TRIOBP: variants seen among roughly 807,000 people sequenced by gnomAD.
TRIOBP encodes the protein TRIO and F-actin-binding protein.
A neutral mutation model predicts 238.8 loss-of-function variants in TRIOBP; 169 were observed. The ratio of observed to expected loss-of-function variants is 0.71; its 90% confidence interval spans 0.62 to 0.80. TRIOBP has a LOEUF of 0.80. Ranked by LOEUF, TRIOBP falls within the 30% of genes least tolerant of loss-of-function variation. The pLI, the probability that TRIOBP is intolerant of heterozygous loss-of-function variation, is 0.00. For missense variants in TRIOBP, 2,838 were observed against 3,122.6 expected, an observed-to-expected ratio of 0.91 and a Z score of 2.17; for synonymous variants, 1,150 against 1,274.4, an observed-to-expected ratio of 0.90 and a Z score of 2.08.
intron 6 of TRIOBP, among the ~76,000 whole-genome samples, chr22:37,718,283 C>T (rs1923641852): frequency 6.6e-6 from 1 of 152,244 alleles, no homozygotes; most frequent in African/African-American, 2.4e-5. Flanking sequence ...CAGGAAGGGG[C>T]TCCCACAGTG....
chr22:37,719,999 CCTTT>C (rs1923746434), intron 6 of TRIOBP, among the ~76,000 whole-genome samples: 2 of 33,690 alleles, frequency 5.9e-5, no homozygotes, highest in African/African-American at 1.1e-4. Flanking sequence ...CCCCCCCCGC[CCTTT>C]TTTTTTTTTT....
chr22:37,759,557 G>GT, intron 17 of TRIOBP: 2 of 1,598,566 alleles, frequency 1.3e-6, no homozygotes, highest in Non-Finnish European at 8.5e-7. Context: ...CAGAGCCTGT[G>GT]TGTGAGTCCC....
chr22:37,749,439 G>T (rs1051380500), intron 11 of TRIOBP, among the ~76,000 whole-genome samples: 1 of 152,100 alleles, frequency 6.6e-6, no homozygotes, highest in African/African-American at 2.4e-5. Flanking sequence ...CCGCCAGCCC[G>T]AGGGTGTGTA....
intron 11 of TRIOBP, chr22:37,746,565 C>G (rs1229575367): frequency 4.2e-6 from 3 of 715,048 alleles, no homozygotes; most frequent in African/African-American, 1.9e-5. Context: ...GGGGCCACCT[C>G]CGAAGCGCTT....
chr22:37,706,339 C>T (rs5750477), intron 3 of TRIOBP, among the ~76,000 whole-genome samples: 78,804 of 151,838 alleles, frequency 0.52, 21,352 homozygotes, highest in African/African-American at 0.66. Context: ...GTCTTGCTCA[C>T]GGATGAGCCT....
At chr22:37,719,952 A>G (rs1479239981) in intron 6 of TRIOBP, among the ~76,000 whole-genome samples, 1 of 35,812 alleles carries the variant, frequency 2.8e-5, no homozygotes, top group Non-Finnish European at 6.1e-5. Context: ...CGTTAATCAC[A>G]CCTCAGGCCC....
At position 37,735,392 on chromosome 22, in the gene TRIOBP, C is replaced by T. The variant is rs765428270; in HGVS notation, c.5056C>T (p.Pro1686Ser). 9.4e-6 allele frequency: 15 copies of T among 1,603,468 alleles called. No individual in the cohort carries two copies. The highest frequency in any genetic ancestry group is 1.1e-5 in the South Asian group (1 of 89,960). The change falls in exon 9 of 24, where the codon CCC becomes TCC. Residue 1686 changes from proline (P) to serine (S), a missense_variant. By Grantham distance (74) the Pro-to-Ser change is moderately conservative. Coordinates refer to ENST00000644935, the MANE Select transcript of TRIOBP (RefSeq NM_001039141.3). ...ATLAGLEQTG[P>S]LGSRSTAKGP... ...TCTGGCAGGCCTGGAGCAGACGGGC[C>T]CCCTGGGGAGCAGGAGCACTGCGAA...
chr22:37,770,140 G>A (rs1317837481), intron 21 of TRIOBP, among the ~76,000 whole-genome samples: 1 of 147,394 alleles, frequency 6.8e-6, no homozygotes, highest in South Asian at 2.4e-4. Flanking sequence ...CGCCTCCCAG[G>A]TTAAAACGAT....
At chr22:37,773,148 C>T (rs1926867134) in intron 23 of TRIOBP, among the ~76,000 whole-genome samples, 1 of 152,120 alleles carries the variant, frequency 6.6e-6, no homozygotes, top group Admixed American at 6.6e-5. Flanking sequence ...TTAGTCTTAA[C>T]ACTCCTTCTT....
chr22:37,758,108 A>G lies in TRIOBP; in HGVS notation c.6183A>G (p.Pro2061=), dbSNP rs546506148. Residue 2061 remains proline (P), a synonymous_variant, in exon 16 of 24, where the codon CCA becomes CCG. Transcript: ENST00000644935. Reference sequence around the variant, plus strand: ...GCCGCGGAGAGCGCCGAGGGCCCCCAAGTGACGGCCACGAGGCACTGGAGA... The same window carrying G: ...GCCGCGGAGAGCGCCGAGGGCCCCCGAGTGACGGCCACGAGGCACTGGAGA... ...NQSRGERRGP[P]SDGHEALEKE... is the part of the protein sequence containing the mutation. 5.0e-6 allele frequency: 8 copies of G among 1,611,020 alleles called. No homozygotes were observed. In the South Asian group the frequency reaches 6.6e-5, roughly 13 times the overall value.
rs727503527 is a variant in TRIOBP, at chr22:37,765,660, C to T, written c.6325-10C>T. The T allele has an allele frequency of 5.4e-5, 83 of 1,549,238 alleles. No individual in the cohort carries two copies. The highest frequency in any genetic ancestry group is 3.3e-4 in the South Asian group (28 of 83,990). The stretch of plus-strand genomic sequence containing the variant: ...GGGCAGCCTGTGACACCCTGGCGTC[C>T]GGCCCACAGGAGGCATGTGAGCGCA... On this transcript the variant is annotated splice_polypyrimidine_tract_variant and intron_variant, in intron 17 of 23. Coordinates refer to ENST00000644935, the MANE Select transcript of TRIOBP (RefSeq NM_001039141.3).
rs1237760385 is a variant in TRIOBP at position 37,725,711 on chromosome 22, C to T, written c.3155C>T (p.Pro1052Leu). The T allele has an allele frequency of 2.5e-6, 4 of 1,613,496 alleles. No homozygotes were observed. The African/African-American group carries it at 4.0e-5, about 16-fold the overall frequency. Residue 1052 changes from proline (P) to leucine (L), a missense_variant, in exon 7 of 24, where the codon CCC becomes CTC. Coordinates refer to ENST00000644935, the MANE Select transcript of TRIOBP (RefSeq NM_001039141.3). ...PEPRAPESEPPHHEPPYIPPA... is the reference protein window; with the variant it reads ...PEPRAPESEPLHHEPPYIPPA... ...CCCCGCGCCCCTGAGAGTGAACCGCCCCACCACGAGCCTCCCTATATACCA... is the reference window on the plus strand; with the variant it reads ...CCCCGCGCCCCTGAGAGTGAACCGCTCCACCACGAGCCTCCCTATATACCA...
chr22:37,754,281 G>T (rs1925789131), intron 12 of TRIOBP, among the ~76,000 whole-genome samples: 1 of 152,004 alleles, frequency 6.6e-6, no homozygotes, highest in East Asian at 1.9e-4. Context: ...CATGATGGCG[G>T]GCGCCTGTAA....
Position 37,734,693 on chromosome 22 carries a change from G to C in TRIOBP, c.4357G>C (p.Gly1453Arg), listed in dbSNP as rs1924579442. The change falls in exon 9 of 24, where the codon GGC becomes CGC. Residue 1453 changes from glycine (G) to arginine (R), a missense_variant. Physicochemically the swap from Gly to Arg is moderately radical, Grantham distance 125. This residue lies in a region of TRIOBP where 2,096 missense variants were observed against 2,137.4 expected (regional missense o/e 0.98). Coordinates refer to ENST00000644935, the MANE Select transcript of TRIOBP (RefSeq NM_001039141.3). Reference sequence around the variant, plus strand: ...AAGGAGCTGGAGCAGCCAGGAGGGAGGCCTGGGCCCTGGGGGCTGGTGGGG... The same window carrying C: ...AAGGAGCTGGAGCAGCCAGGAGGGACGCCTGGGCCCTGGGGGCTGGTGGGG... ...LERSWSSQEG[G>R]LGPGGWWGCG... 1 of 1,606,496 alleles carries C rather than the reference G, an allele frequency of 6.2e-7. No homozygotes were observed.
intron 11 of TRIOBP, among the ~76,000 whole-genome samples, chr22:37,743,081 A>G (rs1050839718): frequency 6.6e-6 from 1 of 152,158 alleles, no homozygotes; most frequent in Non-Finnish European, 1.5e-5. Flanking sequence ...CAGCTCTGGG[A>G]GTCCCCACAG....
chr22:37,751,443 G>A, intron 11 of TRIOBP: 1 of 423,758 alleles, frequency 2.4e-6, no homozygotes, highest in South Asian at 2.1e-5. Flanking sequence ...CTCTATGCAG[G>A]CAGAGTCCTC....
intron 14 of TRIOBP, 58 bp from the exon 15 acceptor site, chr22:37,755,492 T>TG: frequency 4.1e-6 from 6 of 1,465,326 alleles, no homozygotes; most frequent in Non-Finnish European, 5.7e-6. Flanking sequence ...GGGTCCATAG[T>TG]GGGGAGGGAG....
intron 7 of TRIOBP, among the ~76,000 whole-genome samples, chr22:37,728,369 G>A (rs1053900502): frequency 6.6e-6 from 1 of 152,078 alleles, no homozygotes; most frequent in Non-Finnish European, 1.5e-5. Context: ...GGGAGGTGGA[G>A]TTTGCAGTGA....
chr22:37,712,455 C>A (rs1923300288), intron 4 of TRIOBP, among the ~76,000 whole-genome samples: 1 of 152,118 alleles, frequency 6.6e-6, no homozygotes, highest in South Asian at 2.1e-4. Context: ...CCTCAGCCTC[C>A]TGAGTAGCTG....
Sources: gnomAD v4.1 joint callset for allele counts (sites outside exome capture counted in the v4.1 genomes callset) on GRCh38, gnomAD v4.1.1 for gene constraint, gnomAD v4.1.1 regional missense constraint, MANE v1.5 for transcripts, NCBI Gene and HGNC (gene_info 2026-07-23, HGNC 2026-07-21) for gene names.